The following IL1R2 variants were observed in gnomAD, a reference collection of about 807,000 sequenced individuals.
IL1R2 encodes the protein interleukin-1 receptor type 2.
Under a neutral mutation model 39.5 loss-of-function variants are expected in IL1R2, and 46 were observed. The ratio of observed to expected loss-of-function variants is 1.16; its 90% CI spans 0.92 to 1.49. IL1R2 has a LOEUF of 1.49. Ranked by LOEUF, IL1R2 falls within the 40% of genes most tolerant of loss-of-function variation. The pLI, the probability that IL1R2 is intolerant of heterozygous loss-of-function variation, is 0.00. For synonymous variants in IL1R2, 207 were observed against 189.6 expected (o/e 1.09, Z -0.75); for missense variants, 537 against 502.0 (o/e 1.07, Z -0.67).
intron 1 of IL1R2, among the ~76,000 whole-genome samples, chr2:102,002,594 GTGTCTGTGTCTA>G: frequency 6.6e-6 from 1 of 151,346 alleles, no homozygotes; most frequent in East Asian, 2.0e-4. Flanking sequence ...GTCTGCGTCT[GTGTCTGTGTCTA>G]TGTCTGTATA....
chr2:102,020,024 C>T (rs918288393), intron 5 of IL1R2, among the ~76,000 whole-genome samples: 30 of 152,112 alleles, frequency 2.0e-4, no homozygotes, highest in Non-Finnish European at 3.7e-4. Context: ...AACAGGTGAA[C>T]GAATTGGGAA....
chr2:102,009,606 G>T lies in IL1R2; in HGVS notation c.112G>T (p.Glu38Ter), dbSNP rs1475404272. The T allele has an allele frequency of 3.7e-6, 6 of 1,614,056 alleles. No individual in the cohort carries two copies. The African/African-American group carries it at 6.7e-5, about 18-fold the overall frequency. Residue 38 changes from glutamate (E) to a stop codon, truncating the protein, a stop_gained, in exon 3 of 9, where the codon GAG (glutamate) becomes TAG (stop). Transcript: ENST00000332549. LOFTEE classifies it high-confidence loss of function. Reference sequence around the variant, plus strand: ...GTTTCGTGGGAGGCATTACAAGCGGGAGTTCAGGCTGGAAGGGGAGCCTGT... The same window carrying T: ...GTTTCGTGGGAGGCATTACAAGCGGTAGTTCAGGCTGGAAGGGGAGCCTGT... ...CRFRGRHYKR[E>*]FRLEGEPVAL...
At chr2:102,009,972 C>A in intron 3 of IL1R2, 146 bp downstream of exon 3, 2 of 888,472 alleles carry the variant, frequency 2.3e-6, no homozygotes, top group South Asian at 1.6e-5. Context: ...CTGTTCCTGA[C>A]ACCCCCCCCA....
chr2:102,027,298 C>T (rs945062149), intron 8 of IL1R2, among the ~76,000 whole-genome samples: 2 of 152,258 alleles, frequency 1.3e-5, no homozygotes, highest in South Asian at 2.1e-4. Context: ...TGGTTGTACA[C>T]ATTTACCCAC....
chr2:102,023,222 T>C (rs1332392947), intron 6 of IL1R2, among the ~76,000 whole-genome samples: 2 of 152,248 alleles, frequency 1.3e-5, no homozygotes, highest in South Asian at 2.1e-4. Flanking sequence ...TTGGAGGCCA[T>C]AGAGGAGGAG....
chr2:102,014,472 G>A (rs969478851), intron 3 of IL1R2, among the ~76,000 whole-genome samples: 14 of 152,102 alleles, frequency 9.2e-5, no homozygotes, highest in African/African-American at 1.9e-4. Context: ...GTGACATTAC[G>A]CATTTTTCAA....
At chr2:102,025,201 T>A (rs971841969) in intron 7 of IL1R2, among the ~76,000 whole-genome samples, 1 of 152,250 alleles carries the variant, frequency 6.6e-6, no homozygotes, top group Non-Finnish European at 1.5e-5. Flanking sequence ...CAATCAGACC[T>A]TTTGTAAGTG....
intron 4 of IL1R2, among the ~76,000 whole-genome samples, chr2:102,017,124 G>A (rs184027795): frequency 2.0e-4 from 30 of 152,230 alleles, no homozygotes; most frequent in African/African-American, 4.3e-4. Flanking sequence ...ACAGCTGGGC[G>A]TGGTGGCTCA....
intron 1 of IL1R2, among the ~76,000 whole-genome samples, chr2:101,996,858 G>A (rs1235645558): frequency 1.3e-5 from 2 of 151,172 alleles, no homozygotes; most frequent in African/African-American, 4.9e-5. Context: ...TACCTTTAAA[G>A]CTTTGCCAGG....
In IL1R2 at chr2:102,008,590, C is replaced by G; in HGVS notation, c.15C>G (p.Tyr5Ter). Residue 5 changes from tyrosine to a stop codon, truncating the protein, a stop_gained, in exon 2 of 9, where the codon TAC (tyrosine) becomes TAG (stop). Transcript: ENST00000332549. LOFTEE classifies it high-confidence loss of function. ...TGTCAGGAGCAATGTTGCGCTTGTA[C>G]GTGTTGGTAATGGGAGTTTCTGCCT... MLRL[Y>*]VLVMGVSAFT... 1 of 1,613,980 alleles carries G rather than the reference C, an allele frequency of 6.2e-7. No homozygotes were observed. Among genetic ancestry groups the G allele is most frequent in the South Asian group, 1.1e-5 (1 of 91,078 alleles).
At chr2:101,994,389 G>A (rs534604376) in intron 1 of IL1R2, among the ~76,000 whole-genome samples, 20 of 152,258 alleles carry the variant, frequency 1.3e-4, no homozygotes, top group Admixed American at 1.2e-3. Context: ...GAGCAGACTC[G>A]GGTTGCTTTT....
At position 102,022,247 on chromosome 2, in the gene IL1R2, T is replaced by C. The variant is rs2150457981; in HGVS notation, c.749T>C (p.Leu250Pro). The change falls in exon 6 of 9, where the codon CTG becomes CCG. Residue 250 changes from leucine (L) to proline (P), a missense_variant and splice_region_variant. Coordinates refer to ENST00000332549, the MANE Select transcript of IL1R2 (RefSeq NM_004633.4). Reference protein sequence around the residue: ...ISPLKTISASLGSRLTIPCKV... With the variant: ...ISPLKTISASPGSRLTIPCKV... ...CCCCTCAAGACCATATCAGCTTCTCTGGGTAAGGCCCACAAGGACCATGCA... is the reference window on the plus strand; with the variant it reads ...CCCCTCAAGACCATATCAGCTTCTCCGGGTAAGGCCCACAAGGACCATGCA... The C allele has an allele frequency of 3.7e-6, 6 of 1,613,004 alleles. No homozygotes were observed. Among genetic ancestry groups the C allele is most frequent in the African/African-American group, 2.7e-5 (2 of 75,048 alleles).
rs77494484 is a variant in IL1R2, at chr2:102,020,418, C to T, written c.688+606C>T. 3.1e-3 allele frequency among the ~76,000 whole-genome samples: 468 copies of T among 152,224 alleles called. 1 individual carries two copies. Among genetic ancestry groups the T allele is most frequent in the African/African-American group, 0.011 (448 of 41,522 alleles). ...CATTTACTCCGTACCAACTGTGTGC[C>T]GGACATGGAGACAGGTGTAACCATG... is the stretch of plus-strand genomic sequence containing the variant. On this transcript the variant is annotated intron_variant, in intron 5 of 8. Coordinates refer to ENST00000332549, the MANE Select transcript of IL1R2 (RefSeq NM_004633.4).
chr2:102,024,500 T>A (rs1205617685), intron 6 of IL1R2, 33 bp from the exon 7 acceptor site: 4 of 1,551,292 alleles, frequency 2.6e-6, no homozygotes, highest in Non-Finnish European at 3.6e-6. Flanking sequence ...GTGCTGGTTC[T>A]GCAGTTGACG....
At chr2:101,994,171 CCT>C (rs1203614212) in intron 1 of IL1R2, among the ~76,000 whole-genome samples, 1 of 152,190 alleles carries the variant, frequency 6.6e-6, no homozygotes, top group Non-Finnish European at 1.5e-5. Flanking sequence ...GGGCAGCTAT[CCT>C]CTCTCCCGGG....
In IL1R2 at chr2:102,009,785, A is replaced by T; in HGVS notation, c.291A>T (p.Pro97=). 6.2e-7 allele frequency: 1 copy of T among 1,614,228 alleles called. No homozygotes were observed. The highest frequency in any genetic ancestry group is 1.6e-4 in the Middle Eastern group (1 of 6,062). ...AGGACGGTGCTCTGTGGCTTCTGCC[A>T]GCCTTGCAGGAGGACTCTGGCACCT... The part of the protein sequence containing the change: ...WAQDGALWLL[P]ALQEDSGTYV... The change falls in exon 3 of 9, where the codon CCA becomes CCT. Residue 97 remains proline (P), a synonymous_variant. Coordinates refer to ENST00000332549, the MANE Select transcript of IL1R2 (RefSeq NM_004633.4).
At chr2:101,999,174 A>G (rs570471774) in intron 1 of IL1R2, 1 of 152,292 alleles carries the variant, frequency 6.6e-6, no homozygotes, top group East Asian at 1.9e-4. Flanking sequence ...TCTTTCCCCT[A>G]CTCAGATCTT....
intron 1 of IL1R2, among the ~76,000 whole-genome samples, chr2:102,005,376 C>T (rs1676195049): frequency 6.6e-6 from 1 of 152,208 alleles, no homozygotes; most frequent in Non-Finnish European, 1.5e-5. Flanking sequence ...CAATGCCTGA[C>T]AGTACCTGGC....
intron 3 of IL1R2, among the ~76,000 whole-genome samples, chr2:102,015,378 C>T (rs1293314683): frequency 6.6e-6 from 1 of 152,126 alleles, no homozygotes; most frequent in East Asian, 1.9e-4. Context: ...CTTGTTGCCC[C>T]CCAAGTGTTC....
Sources: allele counts gnomAD v4.1 joint callset (sites outside exome capture counted in the v4.1 genomes callset), GRCh38; gene constraint gnomAD v4.1.1; transcripts MANE v1.5; gene names NCBI Gene and HGNC (gene_info 2026-07-23, HGNC 2026-07-21).